Variants in EXOC2 observed in about 807,000 individuals in gnomAD.
EXOC2 encodes exocyst complex component 2, also known as SEC5-like 1.
A neutral mutation model predicts 131.8 loss-of-function variants in EXOC2; 70 were observed. That is an observed-to-expected ratio of 0.53 (90% CI 0.44 to 0.65). The LOEUF (loss-of-function observed/expected upper bound fraction) is 0.65. EXOC2 is among the 30% of genes least tolerant of loss of function. EXOC2 has a pLI of 0.00. For synonymous variants in EXOC2, 411 were observed against 398.4 expected, an observed-to-expected ratio of 1.03 and a Z score of -0.38; for missense variants, 923 against 1,108.6, an observed-to-expected ratio of 0.83 and a Z score of 2.38.
intron 17 of EXOC2, among the ~76,000 whole-genome samples, chr6:559,599 G>A (rs1757596048): frequency 6.6e-6 from 1 of 152,166 alleles, no homozygotes; most frequent in Admixed American, 6.5e-5. Flanking sequence ...GCTTGTGTGA[G>A]AGATCAAACA....
At chr6:609,821 T>TTA (rs1328932363) in intron 7 of EXOC2, among the ~76,000 whole-genome samples, 1 of 152,194 alleles carries the variant, frequency 6.6e-6, no homozygotes, top group Non-Finnish European at 1.5e-5. Flanking sequence ...AAGATGCTGT[T>TTA]TATATGCTGG....
intron 23 of EXOC2, among the ~76,000 whole-genome samples, chr6:521,249 T>C (rs1206288019): frequency 6.8e-6 from 1 of 148,032 alleles, no homozygotes; most frequent in East Asian, 2.0e-4. Flanking sequence ...ACACGCACCG[T>C]CCACACTCGG....
At chr6:640,354 C>T (rs1762299039) in intron 1 of EXOC2, among the ~76,000 whole-genome samples, 1 of 152,032 alleles carries the variant, frequency 6.6e-6, no homozygotes, top group African/African-American at 2.4e-5. Flanking sequence ...TTCTGACCCC[C>T]AACATTGGAC....
intron 11 of EXOC2, among the ~76,000 whole-genome samples, chr6:588,528 T>C (rs748857666): frequency 2.6e-5 from 4 of 152,198 alleles, no homozygotes; most frequent in Non-Finnish European, 1.5e-5. Context: ...CTAATTTTTG[T>C]ATTTTTAGTA....
At chr6:644,034 C>G (rs1762472626) in intron 1 of EXOC2, among the ~76,000 whole-genome samples, 1 of 152,060 alleles carries the variant, frequency 6.6e-6, no homozygotes, top group Admixed American at 6.5e-5. Flanking sequence ...ATTATCAAAA[C>G]TTTCCTACAA....
intron 23 of EXOC2, among the ~76,000 whole-genome samples, chr6:513,142 C>T (rs376424379): frequency 2.3e-4 from 35 of 152,248 alleles, no homozygotes; most frequent in African/African-American, 8.2e-4. Context: ...AACACTCATT[C>T]TCTTGGGTCA....
intron 26 of EXOC2, among the ~76,000 whole-genome samples, chr6:490,588 G>A (rs373732802): frequency 1.3e-5 from 2 of 152,184 alleles, no homozygotes; most frequent in African/African-American, 2.4e-5. Flanking sequence ...ATTTGCATAC[G>A]ACTTGGCTTC....
rs116692428 is a variant in EXOC2, at chr6:623,177, G to A, written c.423-3634C>T. ...GCACCACAGGCCGCTGGGAGGACACGGGTGGCAGAGCCTGAGACTTGGCTT... is the reference window on the plus strand; with the variant it reads ...GCACCACAGGCCGCTGGGAGGACACAGGTGGCAGAGCCTGAGACTTGGCTT... On this transcript the variant is annotated intron_variant, in intron 4 of 27. Coordinates refer to ENST00000230449, the MANE Select transcript of EXOC2 (RefSeq NM_018303.6). 5.0e-3 allele frequency among the ~76,000 whole-genome samples: 769 copies of A among 152,294 alleles called. 3 individuals carry two copies. Among genetic ancestry groups the A allele is most frequent in the Admixed American group, 8.4e-3 (128 of 15,298 alleles).
At chr6:573,425 C>G (rs942425393) in intron 12 of EXOC2, among the ~76,000 whole-genome samples, 2 of 152,278 alleles carry the variant, frequency 1.3e-5, no homozygotes. Context: ...CCGCACTCCA[C>G]TCGGTGGCCA....
At chr6:578,891 T>G (rs959711027) in intron 11 of EXOC2, among the ~76,000 whole-genome samples, 2 of 152,158 alleles carry the variant, frequency 1.3e-5, no homozygotes, top group Non-Finnish European at 1.5e-5. Context: ...GTTTATACAG[T>G]TGTCACTTCT....
At chr6:603,223 A>G (rs186165379) in intron 7 of EXOC2, among the ~76,000 whole-genome samples, 1 of 152,308 alleles carries the variant, frequency 6.6e-6, no homozygotes, top group East Asian at 1.9e-4. Flanking sequence ...GGAATAAGCA[A>G]GTTGAATGAG....
intron 1 of EXOC2, among the ~76,000 whole-genome samples, chr6:687,327 T>C (rs1396129036): frequency 6.6e-6 from 1 of 151,778 alleles, no homozygotes; most frequent in Non-Finnish European, 1.5e-5. Flanking sequence ...ACCACAGACA[T>C]GTACCACCAC....
In EXOC2 at chr6:564,022, T is replaced by C. The variant is rs1337995103; in HGVS notation, c.1789+11A>G. ...TTGCACAGTGAACGTCACCGATTTA[T>C]CAAAACACACCTTCCGCCGTGTGCT... On this transcript the variant is annotated intron_variant, in intron 16 of 27. Transcript: ENST00000230449. The C allele has an allele frequency of 7.4e-6, 12 of 1,612,930 alleles. No individual in the cohort carries two copies. The highest frequency in any genetic ancestry group is 9.3e-6 in the Non-Finnish European group (11 of 1,179,576).
Position 637,909 on chromosome 6 carries a change from T to A in EXOC2, c.-43-48A>T, listed in dbSNP as rs562175700. 1.8e-5 allele frequency: 21 copies of A among 1,165,702 alleles called. No homozygotes were observed. The South Asian group carries it at 2.6e-4, about 14-fold the overall frequency. 72.2% of individuals were successfully genotyped at this position (1,165,702 alleles called of 1,614,324 possible). On this transcript the variant is annotated intron_variant, in intron 1 of 27. Coordinates refer to ENST00000230449, the MANE Select transcript of EXOC2 (RefSeq NM_018303.6). The stretch of plus-strand genomic sequence containing the variant: ...GGATTAGTACCAACTGAGACAAGCA[T>A]TGGCTGAAAATATAAGAATGCTAGA...
chr6:616,482 A>G lies in EXOC2; in HGVS notation c.661+1229T>C, dbSNP rs1387365101. Among the ~76,000 whole-genome samples the G allele has an allele frequency of 2.6e-5, 4 of 150,960 alleles. No individual in the cohort carries two copies. The East Asian group carries it at 6.0e-4, about 23-fold the overall frequency. ...GCCGGGCGCAGTGGCGGGCGCCTGT[A>G]GTCCCAGCTCCTCGGGAGGCTGAGG... is the stretch of plus-strand genomic sequence containing the variant. On this transcript the variant is annotated intron_variant, in intron 6 of 27. Transcript: ENST00000230449.
At chr6:607,044 G>C (rs1364396097) in intron 7 of EXOC2, among the ~76,000 whole-genome samples, 1 of 152,234 alleles carries the variant, frequency 6.6e-6, no homozygotes, top group Non-Finnish European at 1.5e-5. Context: ...GAAGGAGGCA[G>C]TGTGGCTGAT....
At chr6:536,904 G>A (rs1267859022) in intron 22 of EXOC2, among the ~76,000 whole-genome samples, 1 of 152,134 alleles carries the variant, frequency 6.6e-6, no homozygotes, top group Non-Finnish European at 1.5e-5. Flanking sequence ...AAATATGTAT[G>A]CATGACAAAG....
chr6:587,532 C>T (rs1150829), intron 11 of EXOC2, among the ~76,000 whole-genome samples: 101,805 of 152,140 alleles, frequency 0.67, 34,943 homozygotes, highest in South Asian at 0.79. Context: ...GCGTGAGCCA[C>T]CGCGCCCGGC....
intron 3 of EXOC2, among the ~76,000 whole-genome samples, chr6:630,197 T>C (rs990949366): frequency 2.0e-5 from 3 of 152,232 alleles, no homozygotes; most frequent in African/African-American, 2.4e-5. Flanking sequence ...GGTTTCATTG[T>C]ACATTACTCA....
Sources: gnomAD v4.1 joint callset for allele counts (sites outside exome capture counted in the v4.1 genomes callset) on GRCh38, gnomAD v4.1.1 for gene constraint, MANE v1.5 for transcripts, NCBI Gene and HGNC (gene_info 2026-07-23, HGNC 2026-07-21) for gene names.